SMG1: variants seen among roughly 807,000 people sequenced by gnomAD.
SMG1 encodes serine/threonine-protein kinase SMG1.
Under a neutral mutation model 419.9 loss-of-function variants are expected in SMG1, and 22 were observed. That is an observed-to-expected ratio of 0.05 (90% CI 0.04 to 0.07). SMG1 has a LOEUF of 0.07. Ranked by LOEUF, SMG1 falls within the 10% of genes least tolerant of loss-of-function variation. The probability of loss-of-function intolerance (pLI) is 1.00; values close to 1 mark genes in which losing one functional copy is unlikely to be tolerated. For synonymous variants in SMG1, 1,538 were observed against 1,553.5 expected (o/e 0.99, Z 0.23); for missense variants, 3,185 against 4,342.0 (o/e 0.73, Z 7.49).
chr16:18,886,437 A>G (rs2036615453), intron 6 of SMG1, among the ~76,000 whole-genome samples: 1 of 152,368 alleles, frequency 6.6e-6, no homozygotes, highest in South Asian at 2.1e-4. Context: ...CTGTTAGAAA[A>G]CATTTTTCCC....
chr16:18,850,482 T>C lies in SMG1; in HGVS notation c.5053-15A>G, dbSNP rs2034527698. On this transcript the variant is annotated splice_polypyrimidine_tract_variant and intron_variant, in intron 33 of 62. Coordinates refer to ENST00000446231, the MANE Select transcript of SMG1 (RefSeq NM_015092.5). Reference sequence around the variant, plus strand: ...ATATCTTCATCCTGAAGAAAAATTGTGCACAAAATGCTATTTTAAATACAA... The same window carrying C: ...ATATCTTCATCCTGAAGAAAAATTGCGCACAAAATGCTATTTTAAATACAA... 2 of 1,546,082 alleles carry C rather than the reference T, an allele frequency of 1.3e-6. No homozygotes were observed. Among genetic ancestry groups the C allele is most frequent in the African/African-American group, 1.4e-5 (1 of 73,406 alleles).
intron 39 of SMG1, among the ~76,000 whole-genome samples, chr16:18,845,080 G>C (rs1472672532): frequency 1.3e-5 from 2 of 152,164 alleles, no homozygotes; most frequent in Admixed American, 6.5e-5. Flanking sequence ...TAGGCACAAA[G>C]TTAAATTTCT....
chr16:18,876,112 T>A lies in SMG1; in HGVS notation c.1890+12A>T. 6.2e-7 allele frequency: 1 copy of A among 1,611,132 alleles called. No homozygotes were observed. Among genetic ancestry groups the A allele is most frequent in the Non-Finnish European group, 8.5e-7 (1 of 1,179,126 alleles). The stretch of plus-strand genomic sequence containing the variant: ...TGTGGATAAAACAAAGTCATTACAA[T>A]TAAAGACTCACCCCTATTAGTGAGT... On this transcript the variant is annotated intron_variant, in intron 13 of 62. Transcript: ENST00000446231.
At chr16:18,866,416 C>G (rs2035508754) in intron 23 of SMG1, 1 of 598,450 alleles carries the variant, frequency 1.7e-6, no homozygotes, top group African/African-American at 1.9e-5. Context: ...TGATTTGCCA[C>G]TAATTCTTCA....
chr16:18,907,634 G>C (rs984675592), intron 1 of SMG1, among the ~76,000 whole-genome samples: 1 of 151,970 alleles, frequency 6.6e-6, no homozygotes, highest in African/African-American at 2.4e-5. Context: ...CGGATCATGA[G>C]GTCAGGAGTT....
At chr16:18,881,725 A>G (rs2036407212) in intron 10 of SMG1, among the ~76,000 whole-genome samples, 1 of 152,078 alleles carries the variant, frequency 6.6e-6, no homozygotes, top group African/African-American at 2.4e-5. Flanking sequence ...ATGTTCTTTG[A>G]TATCAGGCTA....
chr16:18,836,749 A>C (rs905867472), intron 46 of SMG1, among the ~76,000 whole-genome samples: 6 of 152,130 alleles, frequency 3.9e-5, no homozygotes, highest in African/African-American at 9.7e-5. Flanking sequence ...ACATCTGCCA[A>C]GTTTTAGGTT....
intron 36 of SMG1, 123 bp downstream of exon 36, chr16:18,849,069 CAAAAAAAAAAAAAAAAAAAAAAAAA>C (rs58373081): frequency 9.0e-6 from 1 of 110,586 alleles, no homozygotes; most frequent in Non-Finnish European, 1.4e-5. Context: ...GACTCCATCT[CAAAAAAAAAAAAAAAAAAAAAAAAA>C]AAAAAAAAAA....
chr16:18,815,474 G>T lies in SMG1; in HGVS notation c.10480C>A (p.Pro3494Thr). The stretch of plus-strand genomic sequence containing the variant: ...TGTGTTTTCAGTTCTTTCAAGGTGG[G>T]AGTGATTTCCTGGAGCATTTCAACG... ...EHVEMLQEIT[P>T]TLKELKTQSQ... is the part of the protein sequence containing the mutation. The change falls in exon 59 of 63, where the codon CCC (proline) becomes ACC (threonine). Residue 3494 changes from proline to threonine, a missense_variant. Around this residue, in one of 27 missense-constraint regions of SMG1, gnomAD observed 737 missense variants for 846.6 expected, o/e 0.87. Coordinates refer to ENST00000446231, the MANE Select transcript of SMG1 (RefSeq NM_015092.5). 1.2e-6 allele frequency: 2 copies of T among 1,613,968 alleles called. No homozygotes were observed. Among genetic ancestry groups the T allele is most frequent in the East Asian group, 2.2e-5 (1 of 44,876 alleles).
In SMG1 at chr16:18,841,549, A is replaced by G. The variant is rs373843467; in HGVS notation, c.6696+16T>C. 11 of 1,604,762 alleles carry G rather than the reference A, an allele frequency of 6.9e-6. No individual in the cohort carries two copies. The highest frequency in any genetic ancestry group is 5.0e-5 in the Admixed American group (3 of 59,994). ...CAGAGAATAGACTAATACACTGTGT[A>G]GATGATTTAATCAACCTTTTGTGCT... On this transcript the variant is annotated intron_variant, in intron 41 of 62. Transcript: ENST00000446231.
At chr16:18,903,934 CTTT>C (rs71141091) in intron 1 of SMG1, among the ~76,000 whole-genome samples, 4 of 99,850 alleles carry the variant, frequency 4.0e-5, no homozygotes, top group East Asian at 2.6e-4. Flanking sequence ...TATGTCTTGT[CTTT>C]TTTTTTTTTT....
intron 1 of SMG1, among the ~76,000 whole-genome samples, chr16:18,917,585 A>AT (rs954446423): frequency 1.0e-4 from 15 of 145,398 alleles, no homozygotes; most frequent in African/African-American, 2.0e-4. Context: ...CACACACTCC[A>AT]TTTTTTTTTC....
intron 3 of SMG1, among the ~76,000 whole-genome samples, chr16:18,895,382 G>A (rs1362788666): frequency 4.6e-5 from 7 of 152,054 alleles, no homozygotes; most frequent in Non-Finnish European, 8.8e-5. Context: ...GGGAGGCTGA[G>A]GCACGAGAAT....
At chr16:18,900,042 A>G in intron 1 of SMG1, 1 of 1,514,878 alleles carries the variant, frequency 6.6e-7, no homozygotes, top group Non-Finnish European at 8.9e-7. Context: ...GCATCAAGTC[A>G]ATCTGTAAGA....
At chr16:18,875,742 G>C (rs893260697) in intron 13 of SMG1, 109 of 279,898 alleles carry the variant, frequency 3.9e-4, no homozygotes, top group South Asian at 1.7e-3. Flanking sequence ...AACTTCAGTA[G>C]ACAGAAAGAA....
rs200954419 is a variant in SMG1 at position 18,835,939 on chromosome 16, T to C, written c.8051A>G (p.Tyr2684Cys). The change falls in exon 48 of 63, where the codon TAT (tyrosine) becomes TGT (cysteine). Residue 2684 changes from tyrosine to cysteine, a missense_variant. By Grantham distance (194) the Tyr-to-Cys change is radical. Coordinates refer to ENST00000446231, the MANE Select transcript of SMG1 (RefSeq NM_015092.5). ...TTAAGCACTATCAACTTACTTCCTA[T>C]AGAGCTCTTGACAACGCTCTACTGT... ...NTTVERCQEL[Y>C]RKYEMQYAPQ... 433 of 1,552,298 alleles carry C rather than the reference T, an allele frequency of 2.8e-4. 1 individual carries two copies. The highest frequency in any genetic ancestry group is 3.4e-4 in the Non-Finnish European group (388 of 1,147,094).
At chr16:18,910,464 C>T (rs2037749476) in intron 1 of SMG1, among the ~76,000 whole-genome samples, 2 of 151,468 alleles carry the variant, frequency 1.3e-5, no homozygotes, top group South Asian at 4.2e-4. Context: ...TTTCTGATCT[C>T]GGTGATCTGA....
chr16:18,872,791 G>A (rs1199258900), intron 13 of SMG1, among the ~76,000 whole-genome samples, 167 bp from the exon 14 acceptor site: 1 of 152,204 alleles, frequency 6.6e-6, no homozygotes, highest in East Asian at 1.9e-4. Context: ...TATGAAGTCA[G>A]TAAAGCCTTT....
chr16:18,832,586 A>ACG (rs2033270872), intron 51 of SMG1, among the ~76,000 whole-genome samples: 1 of 143,434 alleles, frequency 7.0e-6, no homozygotes, highest in Non-Finnish European at 1.5e-5. Flanking sequence ...ACACTTGCAC[A>ACG]CACACACACA....
Sources: gnomAD v4.1 joint callset for allele counts (sites outside exome capture counted in the v4.1 genomes callset) on GRCh38, gnomAD v4.1.1 for gene constraint, gnomAD v4.1.1 regional missense constraint, MANE v1.5 for transcripts, NCBI Gene and HGNC (gene_info 2026-07-23, HGNC 2026-07-21) for gene names.